The following FGF12 variants were observed in gnomAD, a reference collection of about 807,000 sequenced individuals.
FGF12 encodes the protein fibroblast growth factor 12B.
FGF12 carries 14 observed loss-of-function variants against 23.6 expected under a neutral mutation model. The observed-to-expected ratio is 0.59, with a 90% CI of 0.39 to 0.93. The LOEUF is 0.93. Among genes scored for constraint, FGF12 ranks in the 40% least tolerant of loss-of-function variants. The pLI, the probability that FGF12 is intolerant of heterozygous loss-of-function variation, is 0.00. For missense variants in FGF12, 175 were observed against 217.8 expected (o/e 0.80, Z 1.24); for synonymous variants, 62 against 77.3 (o/e 0.80, Z 1.04).
intron 2 of FGF12, among the ~76,000 whole-genome samples, chr3:192,683,703 T>G (rs1717627221): frequency 6.6e-6 from 1 of 152,198 alleles, no homozygotes; most frequent in African/African-American, 2.4e-5. Flanking sequence ...TATCATCTCT[T>G]TAAATGCTAC....
At chr3:192,450,793 T>C (rs573643824) in intron 2 of FGF12, among the ~76,000 whole-genome samples, 1 of 152,342 alleles carries the variant, frequency 6.6e-6, no homozygotes, top group Admixed American at 6.5e-5. Context: ...TATCTAATTG[T>C]CAAATTTAAA....
intron 4 of FGF12, among the ~76,000 whole-genome samples, chr3:192,199,024 T>C (rs991698984): frequency 2.0e-5 from 3 of 152,258 alleles, no homozygotes; most frequent in African/African-American, 7.2e-5. Flanking sequence ...TAATCTTTAG[T>C]AGTAAGCTAA....
intron 2 of FGF12, among the ~76,000 whole-genome samples, chr3:192,425,231 G>T (rs1276982488): frequency 6.6e-6 from 1 of 152,108 alleles, no homozygotes; most frequent in Non-Finnish European, 1.5e-5. Flanking sequence ...CTAGTGGATG[G>T]ACCTGATATT....
chr3:192,285,055 C>T (rs1714371787), intron 4 of FGF12, among the ~76,000 whole-genome samples: 1 of 152,026 alleles, frequency 6.6e-6, no homozygotes, highest in Non-Finnish European at 1.5e-5. Flanking sequence ...GTATAACAAG[C>T]TATTGTAGTA....
chr3:192,499,721 T>C (rs900541918), intron 2 of FGF12, among the ~76,000 whole-genome samples: 2 of 150,380 alleles, frequency 1.3e-5, no homozygotes, highest in Non-Finnish European at 3.0e-5. Context: ...TTAGTAGAGA[T>C]GGAGTTTCTA....
intron 2 of FGF12, among the ~76,000 whole-genome samples, chr3:192,451,237 C>T (rs1722510834): frequency 6.6e-6 from 1 of 152,178 alleles, no homozygotes; most frequent in Non-Finnish European, 1.5e-5. Flanking sequence ...CTCAGGTTAA[C>T]TCAGTAGGTA....
chr3:192,183,985 G>A (rs185648507), intron 4 of FGF12, among the ~76,000 whole-genome samples: 1 of 152,268 alleles, frequency 6.6e-6, no homozygotes, highest in East Asian at 1.9e-4. Context: ...CACTTTGCGA[G>A]GTCGAGGTGG....
intron 4 of FGF12, among the ~76,000 whole-genome samples, chr3:192,182,540 G>T (rs1716237323): frequency 6.6e-6 from 1 of 152,144 alleles, no homozygotes; most frequent in African/African-American, 2.4e-5. Context: ...AAGAACCCAT[G>T]AAATAGGCAA....
Position 192,312,180 on chromosome 3 carries a change from T to C in FGF12, c.228+23181A>G, listed in dbSNP as rs142452037. On this transcript the variant is annotated intron_variant, in intron 4 of 5. Transcript: ENST00000445105. ...TTTAATTATGATGAAATTCAACATATCGATTCTTCTTTTGTTGGTTGTGCT... is the reference window on the plus strand; with the variant it reads ...TTTAATTATGATGAAATTCAACATACCGATTCTTCTTTTGTTGGTTGTGCT... 1.3e-3 allele frequency among the ~76,000 whole-genome samples: 199 copies of C among 152,264 alleles called. 1 individual carries two copies. The highest frequency in any genetic ancestry group is 4.5e-3 in the African/African-American group (188 of 41,556).
intron 4 of FGF12, among the ~76,000 whole-genome samples, chr3:192,321,597 C>A (rs528746212): frequency 5.1e-4 from 76 of 150,184 alleles, no homozygotes; most frequent in Non-Finnish European, 9.9e-4. Flanking sequence ...AATTCCACAA[C>A]ACATTAAAAA....
At chr3:192,497,329 C>T (rs1471681407) in intron 2 of FGF12, among the ~76,000 whole-genome samples, 1 of 152,174 alleles carries the variant, frequency 6.6e-6, no homozygotes, top group Non-Finnish European at 1.5e-5. Flanking sequence ...TATTCCAAGT[C>T]AGACTATGTG....
chr3:192,424,404 G>T (rs748200828), intron 2 of FGF12, among the ~76,000 whole-genome samples: 8 of 152,164 alleles, frequency 5.3e-5, no homozygotes, highest in Non-Finnish European at 1.0e-4. Context: ...GAGCTGAAAG[G>T]CAGGATGCAA....
Position 192,408,796 on chromosome 3 carries a change from G to T in FGF12, c.14-48258C>A, listed in dbSNP as rs1417004076. 36 of 985,808 alleles carry T rather than the reference G, an allele frequency of 3.7e-5. No homozygotes were observed. Among genetic ancestry groups the T allele is most frequent in the African/African-American group, 1.2e-4 (7 of 57,240 alleles). The allele number at this position is 985,808 out of a possible 1,614,324, so 61.1% of individuals were successfully genotyped here. A position where few individuals can be genotyped will look rare whatever the true frequency, so the allele number is the denominator to read the frequency against. On this transcript the variant is annotated intron_variant, in intron 2 of 5. Coordinates refer to ENST00000445105, the MANE Select transcript of FGF12 (RefSeq NM_004113.6). This position sits in a 1 kb window ranked among gnomAD's most constrained non-coding sequence, Gnocchi z 7.3. ...TCCTTTAGAAAACAAGCCACCAACC[G>T]CACGAGAGAAGGAGAGGAAGGCAGC... is the stretch of plus-strand genomic sequence containing the variant.
intron 4 of FGF12, among the ~76,000 whole-genome samples, chr3:192,282,003 C>T (rs1366336608): frequency 1.3e-5 from 2 of 152,158 alleles, no homozygotes; most frequent in Admixed American, 1.3e-4. Context: ...ACTGCCATGA[C>T]ATACAGAGAA....
intron 5 of FGF12, among the ~76,000 whole-genome samples, chr3:192,147,391 T>C (rs1355852591): frequency 6.6e-6 from 1 of 152,196 alleles, no homozygotes; most frequent in Non-Finnish European, 1.5e-5. Flanking sequence ...GTAATATAAC[T>C]GCCTTACTAC....
intron 4 of FGF12, among the ~76,000 whole-genome samples, chr3:192,172,510 G>T (rs1162569718): frequency 6.6e-6 from 1 of 150,788 alleles, no homozygotes; most frequent in Non-Finnish European, 1.5e-5. Context: ...TATTAATACT[G>T]AAATATGATT....
intron 5 of FGF12, among the ~76,000 whole-genome samples, chr3:192,155,613 A>C (rs1451147029): frequency 6.6e-6 from 1 of 152,254 alleles, no homozygotes; most frequent in Non-Finnish European, 1.5e-5. Context: ...GCTATGAACA[A>C]GTATGGAGAA....
chr3:192,674,932 C>T lies in FGF12; in HGVS notation c.13+52249G>A, dbSNP rs534637433. 9.1e-4 allele frequency among the ~76,000 whole-genome samples: 138 copies of T among 152,336 alleles called. 3 individuals are homozygous for T. Among genetic ancestry groups the T allele is most frequent in the Admixed American group, 9.0e-3 (137 of 15,300 alleles). On this transcript the variant is annotated intron_variant, in intron 2 of 5. Transcript: ENST00000445105. ...TAGGCCAAACCCTTTGCAAGAACAT[C>T]ATACCCTTTCCTAAGCTTTGCAGCC...
chr3:192,266,497 C>T (rs1193044135), intron 4 of FGF12, among the ~76,000 whole-genome samples: 2 of 151,948 alleles, frequency 1.3e-5, no homozygotes, highest in African/African-American at 2.4e-5. Context: ...CTTTCTCCAA[C>T]CAGTATCAAA....
Sources: allele counts gnomAD v4.1 joint callset (sites outside exome capture counted in the v4.1 genomes callset), GRCh38; gene constraint gnomAD v4.1.1; non-coding constraint Gnocchi (gnomAD v3.1); transcripts MANE v1.5; gene names NCBI Gene and HGNC (gene_info 2026-07-23, HGNC 2026-07-21).